Variants in RTN1 observed in about 807,000 individuals in gnomAD.
The protein encoded by RTN1 is reticulon 1, also known as reticulon-1.
In RTN1, 25 loss-of-function variants were observed where a neutral mutation model predicts 65.5. The observed-to-expected ratio is 0.38, with a 90% CI of 0.28 to 0.53. The LOEUF (loss-of-function observed/expected upper bound fraction) is 0.53. RTN1 is among the 20% of genes least tolerant of loss of function. RTN1 has a pLI of 0.79. For missense variants in RTN1, 983 were observed against 1,025.4 expected (o/e 0.96, Z 0.57); for synonymous variants, 471 against 447.6 (o/e 1.05, Z -0.66).
intron 3 of RTN1, among the ~76,000 whole-genome samples, chr14:59,695,943 T>C (rs1594683384): frequency 6.6e-6 from 1 of 152,234 alleles, no homozygotes; most frequent in East Asian, 1.9e-4. Flanking sequence ...AATGATATGT[T>C]GATTTGGCCC....
At chr14:59,778,666 G>C (rs1265311049) in intron 1 of RTN1, among the ~76,000 whole-genome samples, 1 of 152,172 alleles carries the variant, frequency 6.6e-6, no homozygotes, top group African/African-American at 2.4e-5. Flanking sequence ...GCATACAGCA[G>C]GCACACGGAG....
intron 3 of RTN1, among the ~76,000 whole-genome samples, chr14:59,703,464 T>C (rs1295135377): frequency 1.3e-5 from 2 of 152,132 alleles, no homozygotes; most frequent in Non-Finnish European, 1.5e-5. Context: ...ATGGCTGCCG[T>C]CCTTCATCTT....
rs777829557 is a variant in RTN1, at chr14:59,727,573, C to T, written c.1111G>A (p.Ala371Thr). 3.1e-6 allele frequency: 5 copies of T among 1,612,002 alleles called. No homozygotes were observed. The highest frequency in any genetic ancestry group is 4.5e-5 in the East Asian group (2 of 44,854). Residue 371 changes from alanine (A) to threonine (T), a missense_variant, in exon 3 of 9, where the codon GCC becomes ACC. Physicochemically the swap from Ala to Thr is moderately conservative, Grantham distance 58. Coordinates refer to ENST00000267484, the MANE Select transcript of RTN1 (RefSeq NM_021136.3). This position sits in a 1 kb window ranked among gnomAD's most constrained non-coding sequence, Gnocchi z 4.2. The part of the protein sequence containing the change: ...KEAKGLSYET[A>T]ENPRPVGQLA... ...TGGCCCACCGGCCGTGGGTTCTCGG[C>T]GGTTTCATACGATAATCCCTTTGCT...
chr14:59,748,864 A>G (rs1407811331), intron 1 of RTN1, among the ~76,000 whole-genome samples: 1 of 151,908 alleles, frequency 6.6e-6, no homozygotes, highest in Non-Finnish European at 1.5e-5. Flanking sequence ...ATCTTGGCTC[A>G]CAGCAACCTC....
intron 3 of RTN1, among the ~76,000 whole-genome samples, chr14:59,658,754 G>A (rs1883179706): frequency 6.6e-6 from 1 of 152,204 alleles, no homozygotes; most frequent in African/African-American, 2.4e-5. Flanking sequence ...ACCAAAGGTA[G>A]ATGAATCCAC....
intron 1 of RTN1, among the ~76,000 whole-genome samples, chr14:59,855,501 T>C (rs1042103468): frequency 2.6e-5 from 4 of 152,230 alleles, no homozygotes; most frequent in South Asian, 2.1e-4. Context: ...TTCAAGTGTG[T>C]TTGTAATTGT....
chr14:59,801,436 A>G (rs1886544422), intron 1 of RTN1, among the ~76,000 whole-genome samples: 1 of 152,178 alleles, frequency 6.6e-6, no homozygotes, highest in African/African-American at 2.4e-5. Flanking sequence ...CCAGAAGACA[A>G]CAGAATAGCA....
chr14:59,792,232 T>A (rs1239537489), intron 1 of RTN1, among the ~76,000 whole-genome samples: 1 of 152,154 alleles, frequency 6.6e-6, no homozygotes, highest in Non-Finnish European at 1.5e-5. Flanking sequence ...CTTCACTTCA[T>A]CTTCTTCTCC....
chr14:59,671,126 G>T (rs1345368831), intron 3 of RTN1, among the ~76,000 whole-genome samples: 1 of 152,020 alleles, frequency 6.6e-6, no homozygotes, highest in Non-Finnish European at 1.5e-5. Flanking sequence ...GAGGAGGGAG[G>T]GTTGTTATGT....
intron 5 of RTN1, chr14:59,604,621 T>C (rs1203882908): frequency 2.0e-5 from 3 of 152,332 alleles, no homozygotes; most frequent in African/African-American, 7.2e-5. Flanking sequence ...TTTTTCACTT[T>C]TCCTTCTGCC....
At chr14:59,665,494 A>T (rs1883348233) in intron 3 of RTN1, among the ~76,000 whole-genome samples, 1 of 152,214 alleles carries the variant, frequency 6.6e-6, no homozygotes, top group African/African-American at 2.4e-5. Context: ...AACATCCCAA[A>T]TTGTAAAGAC....
intron 3 of RTN1, among the ~76,000 whole-genome samples, chr14:59,639,789 C>G (rs889843440): frequency 2.0e-5 from 3 of 151,938 alleles, no homozygotes; most frequent in African/African-American, 7.3e-5. Flanking sequence ...TTGAGATGAC[C>G]ACATGGATTT....
intron 1 of RTN1, among the ~76,000 whole-genome samples, chr14:59,855,776 A>T (rs1377184283): frequency 6.6e-6 from 1 of 152,142 alleles, no homozygotes; most frequent in African/African-American, 2.4e-5. Flanking sequence ...CTAACACCAC[A>T]TTAGCTGGCA....
intron 3 of RTN1, among the ~76,000 whole-genome samples, chr14:59,624,772 A>G (rs1239764491): frequency 6.6e-6 from 1 of 152,162 alleles, no homozygotes; most frequent in East Asian, 1.9e-4. Flanking sequence ...CTGTACTTTC[A>G]TAAGAACTAG....
At chr14:59,659,769 C>T (rs1402178732) in intron 3 of RTN1, among the ~76,000 whole-genome samples, 1 of 152,190 alleles carries the variant, frequency 6.6e-6, no homozygotes, top group Non-Finnish European at 1.5e-5. Flanking sequence ...AAAACCAGTA[C>T]CAGCCACTGC....
chr14:59,754,824 C>T (rs527875608), intron 1 of RTN1, among the ~76,000 whole-genome samples: 1 of 152,130 alleles, frequency 6.6e-6, no homozygotes, highest in Admixed American at 6.5e-5. Context: ...ATCCAGCCCA[C>T]ACCCATGCTC....
intron 1 of RTN1, 123 bp from the exon 2 acceptor site, chr14:59,746,604 G>T: frequency 1.3e-6 from 1 of 776,536 alleles, no homozygotes; most frequent in South Asian, 1.9e-5. Context: ...AGCCCTCGGA[G>T]TTCCCTCGGA....
intron 3 of RTN1, among the ~76,000 whole-genome samples, chr14:59,726,002 T>C (rs1007740264): frequency 2.0e-5 from 3 of 152,192 alleles, no homozygotes; most frequent in African/African-American, 2.4e-5. Context: ...TGTTTTAAAG[T>C]CCTACCTGAG....
At chr14:59,739,095 C>T (rs1196574860) in intron 2 of RTN1, among the ~76,000 whole-genome samples, 1 of 151,994 alleles carries the variant, frequency 6.6e-6, no homozygotes, top group Non-Finnish European at 1.5e-5. Flanking sequence ...CAGCAAAACA[C>T]CATGGCACAT....
Sources: gnomAD v4.1 joint callset for allele counts (sites outside exome capture counted in the v4.1 genomes callset) on GRCh38, gnomAD v4.1.1 for gene constraint, Gnocchi (gnomAD v3.1) non-coding constraint, MANE v1.5 for transcripts, NCBI Gene and HGNC (gene_info 2026-07-23, HGNC 2026-07-21) for gene names.